CEP128: variants seen among roughly 807,000 people sequenced by gnomAD.
CEP128 encodes centrosomal protein 128kDa.
CEP128 carries 132 observed loss-of-function variants against 156.7 expected under a neutral mutation model. The observed-to-expected ratio is 0.84, with a 90% confidence interval of 0.73 to 0.97. The LOEUF (loss-of-function observed/expected upper bound fraction) is 0.97, where lower values mean the gene tolerates loss of function less well. Ranked by LOEUF, CEP128 falls within the 50% of genes least tolerant of loss-of-function variation. CEP128 has a pLI of 0.00. For synonymous variants in CEP128, 469 were observed against 448.9 expected (o/e 1.04, Z -0.57); for missense variants, 1,252 against 1,281.9 (o/e 0.98, Z 0.36).
At chr14:80,795,461 T>C (rs1883408174) in intron 13 of CEP128, among the ~76,000 whole-genome samples, 1 of 152,216 alleles carries the variant, frequency 6.6e-6, no homozygotes, top group Non-Finnish European at 1.5e-5. Flanking sequence ...TGCTTACACC[T>C]AGACTCCCTC....
At chr14:80,562,662 T>TTC (rs2140380486) in intron 20 of CEP128, among the ~76,000 whole-genome samples, 1 of 146,116 alleles carries the variant, frequency 6.8e-6, no homozygotes, top group South Asian at 2.2e-4. Context: ...TTTCTTTTTT[T>TTC]TTTTTTTTTT....
chr14:80,593,182 G>A (rs920932125), intron 19 of CEP128, among the ~76,000 whole-genome samples: 5 of 152,012 alleles, frequency 3.3e-5, no homozygotes, highest in African/African-American at 1.2e-4. Context: ...AGAAATAAAT[G>A]GTATTCAAAC....
At chr14:80,871,484 T>G (rs1216425526) in intron 8 of CEP128, among the ~76,000 whole-genome samples, 1 of 152,102 alleles carries the variant, frequency 6.6e-6, no homozygotes, top group East Asian at 1.9e-4. Context: ...CAGCTTAACG[T>G]GCTGGATGGA....
intron 13 of CEP128, among the ~76,000 whole-genome samples, chr14:80,815,433 G>T (rs1321257368): frequency 6.6e-6 from 1 of 152,192 alleles, no homozygotes; most frequent in Non-Finnish European, 1.5e-5. Context: ...TGATGAGGTT[G>T]TGGAGGAAAA....
Position 80,864,589 on chromosome 14 carries a change from C to T in CEP128, c.646-1716G>A, listed in dbSNP as rs1041994677. Among the ~76,000 whole-genome samples the T allele has an allele frequency of 5.4e-4, 82 of 150,870 alleles. 1 individual carries two copies. Among genetic ancestry groups the T allele is most frequent in the African/African-American group, 1.9e-3 (76 of 41,078 alleles). The stretch of plus-strand genomic sequence containing the variant: ...TTTTTTTTTTTTTGAGACAGTCTCA[C>T]TCTGTCACCCAGGCTGGAGTGCAGT... On this transcript the variant is annotated intron_variant, in intron 8 of 24. Coordinates refer to ENST00000555265, the MANE Select transcript of CEP128 (RefSeq NM_152446.5).
intron 19 of CEP128, among the ~76,000 whole-genome samples, chr14:80,650,991 T>C (rs989143769): frequency 2.6e-5 from 4 of 152,208 alleles, no homozygotes; most frequent in Non-Finnish European, 5.9e-5. Context: ...TTACAAGGAA[T>C]AGTACCAGCT....
In CEP128 at chr14:80,856,720, CTTTTTTTT is replaced by C. The variant is rs766724436; in HGVS notation, c.762+6029_762+6036del. Among the ~76,000 whole-genome samples, 511 of 65,164 alleles carry C rather than the reference CTTTTTTTT, an allele frequency of 7.8e-3. 3 individuals carry two copies. The highest frequency in any genetic ancestry group is 0.03 in the African/African-American group (472 of 15,760). 42.8% of individuals were successfully genotyped at this position (65,164 alleles called of 152,430 possible). A position where few individuals can be genotyped will look rare whatever the true frequency, so the allele number is the denominator to read the frequency against. On this transcript the variant is annotated intron_variant, in intron 9 of 24. Coordinates refer to ENST00000555265, the MANE Select transcript of CEP128 (RefSeq NM_152446.5). Reference sequence around the variant, plus strand: ...AGCATTTATCTCATGTTTTTCTTTTCTTTTTTTTTTTTTTTTTTTTTTTTTTTTGAGAC... The same window carrying C: ...AGCATTTATCTCATGTTTTTCTTTTCTTTTTTTTTTTTTTTTTTTTGAGAC...
intron 19 of CEP128, among the ~76,000 whole-genome samples, chr14:80,635,191 C>T (rs572374388): frequency 3.3e-4 from 50 of 152,254 alleles, no homozygotes; most frequent in African/African-American, 1.1e-3. Flanking sequence ...TGATCACTTC[C>T]GCAATCTGTC....
At chr14:80,913,943 GGC>G (rs1188796669) in intron 4 of CEP128, among the ~76,000 whole-genome samples, 5 of 152,010 alleles carry the variant, frequency 3.3e-5, no homozygotes. Flanking sequence ...ATTAAAAAGG[GGC>G]TTTGAGAGAG....
At chr14:80,711,470 T>A (rs1897404751) in intron 19 of CEP128, among the ~76,000 whole-genome samples, 1 of 152,062 alleles carries the variant, frequency 6.6e-6, no homozygotes, top group Non-Finnish European at 1.5e-5. Context: ...ATATGTAAAA[T>A]TACAGTTGTA....
chr14:80,845,448 C>G (rs753420020), intron 9 of CEP128, among the ~76,000 whole-genome samples: 1 of 151,934 alleles, frequency 6.6e-6, no homozygotes, highest in Non-Finnish European at 1.5e-5. Flanking sequence ...TGTTTTTATC[C>G]GAGTAGTTTC....
intron 19 of CEP128, among the ~76,000 whole-genome samples, chr14:80,653,546 G>A (rs1243891086): frequency 6.6e-6 from 1 of 152,122 alleles, no homozygotes; most frequent in African/African-American, 2.4e-5. Context: ...GAAAGAAGAT[G>A]CCATCTAGGA....
At chr14:80,930,483 G>A (rs1430752552) in intron 2 of CEP128, among the ~76,000 whole-genome samples, 1 of 152,142 alleles carries the variant, frequency 6.6e-6, no homozygotes, top group Non-Finnish European at 1.5e-5. Flanking sequence ...TGAAAAGGGG[G>A]AAAGATCCAA....
At chr14:80,544,387 C>T (rs1275861151) in intron 21 of CEP128, among the ~76,000 whole-genome samples, 1 of 152,176 alleles carries the variant, frequency 6.6e-6, no homozygotes, top group African/African-American at 2.4e-5. Context: ...ACCAAGGCTC[C>T]AGCAGATCTT....
At chr14:80,706,422 CGTGT>C (rs577805763) in intron 19 of CEP128, among the ~76,000 whole-genome samples, 13 of 150,426 alleles carry the variant, frequency 8.6e-5, no homozygotes, top group East Asian at 7.8e-4. Context: ...TACTTGTACT[CGTGT>C]GTGTGTGTGT....
chr14:80,871,065 A>C (rs906603589), intron 8 of CEP128, among the ~76,000 whole-genome samples: 5 of 152,024 alleles, frequency 3.3e-5, no homozygotes, highest in African/African-American at 1.2e-4. Flanking sequence ...TTAAAGAAAG[A>C]GGAAGTCAGC....
chr14:80,605,134 A>G (rs951994980), intron 19 of CEP128, among the ~76,000 whole-genome samples: 4 of 152,090 alleles, frequency 2.6e-5, no homozygotes, highest in African/African-American at 7.2e-5. Context: ...TAACGATCCT[A>G]TCAATAAAAA....
chr14:80,692,917 C>A (rs1337485427), intron 19 of CEP128, among the ~76,000 whole-genome samples: 2 of 152,180 alleles, frequency 1.3e-5, no homozygotes, highest in African/African-American at 4.8e-5. Flanking sequence ...AACATTATAT[C>A]CCCCGGTCTA....
chr14:80,645,725 C>T (rs1040521782), intron 19 of CEP128, among the ~76,000 whole-genome samples: 2 of 152,038 alleles, frequency 1.3e-5, no homozygotes, highest in African/African-American at 4.8e-5. Flanking sequence ...TTGATATTTA[C>T]CCAAATGAAC....
Sources: allele counts gnomAD v4.1 joint callset (sites outside exome capture counted in the v4.1 genomes callset), GRCh38; gene constraint gnomAD v4.1.1; transcripts MANE v1.5; gene names NCBI Gene and HGNC (gene_info 2026-07-23, HGNC 2026-07-21).